Variants in PDE8A observed in about 807,000 individuals in gnomAD.
The protein encoded by PDE8A is phosphodiesterase 8A.
Under a neutral mutation model 105.0 loss-of-function variants are expected in PDE8A, and 59 were observed. That is an observed-to-expected ratio of 0.56 (90% CI 0.46 to 0.70). The LOEUF (loss-of-function observed/expected upper bound fraction) is 0.70. PDE8A is among the 30% of genes least tolerant of loss of function. The pLI is 0.00. For missense variants in PDE8A, 1,014 were observed against 1,045.9 expected (o/e 0.97, Z 0.42); for synonymous variants, 355 against 371.9 (o/e 0.95, Z 0.52).
At chr15:85,041,781 C>T (rs1162610777) in intron 1 of PDE8A, among the ~76,000 whole-genome samples, 1 of 152,168 alleles carries the variant, frequency 6.6e-6, no homozygotes, top group East Asian at 1.9e-4. Flanking sequence ...AATGAAGGGG[C>T]AGGCGATGAT....
chr15:85,022,035 T>C (rs1596450687), intron 1 of PDE8A, among the ~76,000 whole-genome samples: 1 of 152,350 alleles, frequency 6.6e-6, no homozygotes, highest in African/African-American at 2.4e-5. Context: ...TTTAAGACTA[T>C]ATACAAATTC....
At position 84,999,121 on chromosome 15, in the gene PDE8A, C is replaced by CTTT. The variant is rs35710429; in HGVS notation, c.186+16788_186+16790dup. 3.5e-3 allele frequency among the ~76,000 whole-genome samples: 456 copies of CTTT among 131,478 alleles called. 14 individuals are homozygous for CTTT. The highest frequency in any genetic ancestry group is 5.3e-3 in the East Asian group (24 of 4,568). 86.3% of individuals were successfully genotyped at this position (131,478 alleles called of 152,430 possible). ...GTAAATTTTCCTGATAGGTCACATT[C>CTTT]TTTTTTTTTTTTTTTTTGAGACGGA... is the stretch of plus-strand genomic sequence containing the variant. On this transcript the variant is annotated intron_variant, in intron 1 of 21. Transcript: ENST00000394553.
In PDE8A at chr15:85,113,891, G is replaced by T; in HGVS notation, c.1204G>T (p.Ala402Ser). Residue 402 changes from alanine to serine, a missense_variant, in exon 14 of 22, where the codon GCT (alanine) becomes TCT (serine). Ala to Ser is a moderately conservative substitution (Grantham distance 99, BLOSUM62 1). Transcript: ENST00000394553. ...PITKVINIIN[A>S]AQESSPMPVT... ...AATGTAGGTAATCAATATTATCAAT[G>T]CTGCCCAGGAAAGTAGTCCCATGCC... 1 of 1,612,456 alleles carries T rather than the reference G, an allele frequency of 6.2e-7. No homozygotes were observed. The highest frequency in any genetic ancestry group is 8.5e-7 in the Non-Finnish European group (1 of 1,179,004).
intron 20 of PDE8A, among the ~76,000 whole-genome samples, chr15:85,134,963 AC>A (rs1219794999): frequency 1.3e-5 from 2 of 152,154 alleles, no homozygotes; most frequent in Non-Finnish European, 2.9e-5. Flanking sequence ...AGGGAGCTCC[AC>A]GCAAGTGCCG....
chr15:85,118,720 C>T (rs977236088), intron 17 of PDE8A, among the ~76,000 whole-genome samples: 2 of 152,254 alleles, frequency 1.3e-5, no homozygotes, highest in African/African-American at 2.4e-5. Flanking sequence ...TCTGAAGCTT[C>T]TGCCCTTGAC....
At chr15:85,117,954 G>C in intron 17 of PDE8A, 115 bp downstream of exon 17, 1 of 839,240 alleles carries the variant, frequency 1.2e-6, no homozygotes, top group Non-Finnish European at 2.0e-6. Flanking sequence ...CCTGGCACAG[G>C]AAGGGCAAGG....
At position 85,070,625 on chromosome 15, in the gene PDE8A, A is replaced by T. The variant is rs116086502; in HGVS notation, c.434+3421A>T. Reference sequence around the variant, plus strand: ...TAGAGGGAGCGGCATGTGTAGAAACAGGCAGGACATCCGGGCACCTCTGCT... The same window carrying T: ...TAGAGGGAGCGGCATGTGTAGAAACTGGCAGGACATCCGGGCACCTCTGCT... On this transcript the variant is annotated intron_variant, in intron 3 of 21. Transcript: ENST00000394553. Among the ~76,000 whole-genome samples, 1,331 of 152,286 alleles carry T rather than the reference A, an allele frequency of 8.7e-3. 22 individuals are homozygous for T. Among genetic ancestry groups the T allele is most frequent in the African/African-American group, 0.03 (1,258 of 41,562 alleles).
intron 11 of PDE8A, among the ~76,000 whole-genome samples, chr15:85,102,523 T>TA (rs1435683883): frequency 1.2e-5 from 1 of 83,132 alleles, no homozygotes; most frequent in Non-Finnish European, 3.2e-5. Context: ...GTTGTAAGCA[T>TA]TTTTTTTTTT....
chr15:84,981,504 C>T (rs1230770237), upstream of PDE8A, among the ~76,000 whole-genome samples: 1 of 152,186 alleles, frequency 6.6e-6, no homozygotes, highest in Non-Finnish European at 1.5e-5. Flanking sequence ...CCTACCCTGG[C>T]GGACGTGGCC....
chr15:85,120,108 TTTAAA>T (rs1001717235), intron 17 of PDE8A: 3 of 150,506 alleles, frequency 2.0e-5, no homozygotes, highest in East Asian at 1.9e-4. Context: ...AATGGAATGT[TTTAAA>T]TTAAATTGAT....
chr15:84,997,403 C>G (rs1014587995), intron 1 of PDE8A, among the ~76,000 whole-genome samples: 1 of 151,656 alleles, frequency 6.6e-6, no homozygotes, highest in Non-Finnish European at 1.5e-5. Flanking sequence ...GCTATATTGT[C>G]CAGGCTGGCC....
At chr15:85,038,516 TC>T (rs2080747355) in intron 1 of PDE8A, among the ~76,000 whole-genome samples, 1 of 152,138 alleles carries the variant, frequency 6.6e-6, no homozygotes, top group Non-Finnish European at 1.5e-5. Context: ...CTAAAAAGCT[TC>T]TGTACTCGGC....
intron 11 of PDE8A, among the ~76,000 whole-genome samples, chr15:85,103,322 G>A (rs988557138): frequency 1.3e-5 from 2 of 152,184 alleles, no homozygotes; most frequent in Admixed American, 6.5e-5. Flanking sequence ...GGAAATGTTC[G>A]GCAGGGGGAG....
rs2082412087 is a variant in PDE8A at position 85,136,477 on chromosome 15, C to A, written c.2254-57C>A. On this transcript the variant is annotated intron_variant, in intron 20 of 21. Transcript: ENST00000394553. ...AGCTCTTCCTGGGGGAGGGGCTGCC[C>A]CTAGGTGGAGTGGAACCAGATGTTG... 4 of 1,569,940 alleles carry A rather than the reference C, an allele frequency of 2.5e-6. No homozygotes were observed. The South Asian group carries it at 4.7e-5, about 18-fold the overall frequency.
chr15:85,020,630 T>G (rs1185479756), intron 1 of PDE8A, among the ~76,000 whole-genome samples: 1 of 152,124 alleles, frequency 6.6e-6, no homozygotes, highest in Non-Finnish European at 1.5e-5. Context: ...AAAAAGTTTT[T>G]TTAATTTTGA....
At chr15:85,103,210 ACT>A (rs1245780753) in intron 11 of PDE8A, among the ~76,000 whole-genome samples, 1 of 152,142 alleles carries the variant, frequency 6.6e-6, no homozygotes, top group African/African-American at 2.4e-5. Context: ...CGACAGCAAG[ACT>A]CTGTCTAAAA....
At chr15:84,985,051 A>G (rs1382076150) in intron 1 of PDE8A, among the ~76,000 whole-genome samples, 1 of 152,192 alleles carries the variant, frequency 6.6e-6, no homozygotes, top group Non-Finnish European at 1.5e-5. Flanking sequence ...TAATTTCTGA[A>G]AGTAATCTGT....
intron 2 of PDE8A, among the ~76,000 whole-genome samples, chr15:85,066,586 ACAC>A (rs2081230174): frequency 8.9e-5 from 1 of 11,236 alleles, no homozygotes; most frequent in African/African-American, 3.1e-4. Context: ...CCCCCAAAAC[ACAC>A]ACACACACAC....
chr15:85,028,973 A>T lies in PDE8A; in HGVS notation c.187-35397A>T, dbSNP rs192003301. On this transcript the variant is annotated intron_variant, in intron 1 of 21. Transcript: ENST00000394553. Reference sequence around the variant, plus strand: ...TCCAACAAAAAGGATTGATGGCAGCACAAAGTAATCTGTCGAGAGAGAGAA... The same window carrying T: ...TCCAACAAAAAGGATTGATGGCAGCTCAAAGTAATCTGTCGAGAGAGAGAA... 3.1e-3 allele frequency among the ~76,000 whole-genome samples: 465 copies of T among 152,314 alleles called. 3 individuals are homozygous for T. The highest frequency in any genetic ancestry group is 0.01 in the African/African-American group (436 of 41,560).
Sources: gnomAD v4.1 joint callset for allele counts (sites outside exome capture counted in the v4.1 genomes callset) on GRCh38, gnomAD v4.1.1 for gene constraint, MANE v1.5 for transcripts, NCBI Gene and HGNC (gene_info 2026-07-23, HGNC 2026-07-21) for gene names.